Variants in STAG1 observed in about 807,000 individuals in gnomAD.
STAG1 encodes the protein cohesin subunit SA-1.
STAG1 carries 26 observed loss-of-function variants against 170.9 expected under a neutral mutation model. The ratio of observed to expected loss-of-function variants is 0.15; its 90% confidence interval spans 0.11 to 0.21. The LOEUF (loss-of-function observed/expected upper bound fraction) is 0.21. Ranked by LOEUF, STAG1 falls within the 10% of genes least tolerant of loss-of-function variation. STAG1 has a pLI of 1.00. For missense variants in STAG1, 964 were observed against 1,509.5 expected (o/e 0.64, Z 5.99); for synonymous variants, 514 against 497.7 (o/e 1.03, Z -0.44).
chr3:136,600,057 T>C (rs916267101), intron 4 of STAG1, among the ~76,000 whole-genome samples: 7 of 152,224 alleles, frequency 4.6e-5, no homozygotes, highest in African/African-American at 1.7e-4. Context: ...ACATTTCAAT[T>C]CAGGTGTCAG....
chr3:136,436,815 G>A (rs557554582), intron 15 of STAG1, among the ~76,000 whole-genome samples: 2 of 152,206 alleles, frequency 1.3e-5, no homozygotes, highest in South Asian at 4.1e-4. Context: ...TCTTTATTCT[G>A]TACCAAAATT....
chr3:136,641,700 C>T (rs967102113), intron 1 of STAG1, among the ~76,000 whole-genome samples: 3 of 152,220 alleles, frequency 2.0e-5, no homozygotes, highest in Admixed American at 2.0e-4. Flanking sequence ...CGTGTGATCA[C>T]ACACTGGATC....
chr3:136,736,456 A>C, intron 1 of STAG1: 1 of 1,237,740 alleles, frequency 8.1e-7, no homozygotes, highest in Non-Finnish European at 1.2e-6. Flanking sequence ...GAAGGGAGAT[A>C]GCAGGGGGAA....
intron 6 of STAG1, among the ~76,000 whole-genome samples, chr3:136,522,618 G>C (rs894629518): frequency 6.6e-6 from 1 of 151,834 alleles, no homozygotes; most frequent in East Asian, 1.9e-4. Context: ...TGTGCACAAC[G>C]TGCAGGTTTG....
chr3:136,589,108 C>T (rs144095418), intron 4 of STAG1, among the ~76,000 whole-genome samples: 55 of 152,152 alleles, frequency 3.6e-4, no homozygotes, highest in African/African-American at 1.3e-3. Context: ...TCAGACTGGT[C>T]TGGAACTCTT....
chr3:136,527,027 T>G (rs1342866032), intron 6 of STAG1, among the ~76,000 whole-genome samples: 2 of 152,216 alleles, frequency 1.3e-5, no homozygotes, highest in Non-Finnish European at 2.9e-5. Context: ...CCCTTAACAT[T>G]TTTTCCTTCA....
At chr3:136,478,150 T>C (rs543885844) in intron 9 of STAG1, among the ~76,000 whole-genome samples, 2 of 152,322 alleles carry the variant, frequency 1.3e-5, no homozygotes, top group African/African-American at 2.4e-5. Flanking sequence ...AAGCCCACTT[T>C]ATTCAAGGCA....
intron 5 of STAG1, among the ~76,000 whole-genome samples, chr3:136,557,965 A>G (rs544462123): frequency 6.6e-6 from 1 of 152,372 alleles, no homozygotes; most frequent in East Asian, 1.9e-4. Context: ...CTAGAGATAC[A>G]AAGAGAACAA....
At chr3:136,620,097 C>T (rs1939779323) in intron 3 of STAG1, among the ~76,000 whole-genome samples, 1 of 151,794 alleles carries the variant, frequency 6.6e-6, no homozygotes, top group Non-Finnish European at 1.5e-5. Context: ...TAAAATAAAA[C>T]ATAAAATAGA....
chr3:136,487,191 T>C (rs2090035264), intron 9 of STAG1, among the ~76,000 whole-genome samples: 2 of 152,098 alleles, frequency 1.3e-5, no homozygotes, highest in South Asian at 2.1e-4. Context: ...CATGTGTTCT[T>C]AATGTTCAGC....
intron 6 of STAG1, among the ~76,000 whole-genome samples, chr3:136,534,707 C>A (rs1313437121): frequency 2.0e-5 from 3 of 152,070 alleles, no homozygotes; most frequent in Non-Finnish European, 4.4e-5. Flanking sequence ...ATATCATTCA[C>A]CCCAGTTGGA....
chr3:136,583,031 T>C (rs999969810), intron 4 of STAG1, among the ~76,000 whole-genome samples: 9 of 152,218 alleles, frequency 5.9e-5, no homozygotes, highest in African/African-American at 9.6e-5. Context: ...TTCTTCTCTA[T>C]AGCTGCATTA....
intron 2 of STAG1, among the ~76,000 whole-genome samples, chr3:136,624,563 T>TG (rs1467067983): frequency 1.3e-5 from 2 of 152,170 alleles, no homozygotes; most frequent in Non-Finnish European, 2.9e-5. Context: ...GCAACTTCTC[T>TG]GCTGACTCAG....
intron 15 of STAG1, among the ~76,000 whole-genome samples, chr3:136,439,441 CAA>C (rs71157382): frequency 0.05 from 3,870 of 77,220 alleles, 237 homozygotes; most frequent in African/African-American, 0.13. Flanking sequence ...CACACACACA[CAA>C]ACACTGTAAG....
chr3:136,723,999 C>G (rs1168735104), intron 1 of STAG1, among the ~76,000 whole-genome samples: 2 of 150,750 alleles, frequency 1.3e-5, no homozygotes, highest in African/African-American at 2.4e-5. Context: ...GCCCCCCGCA[C>G]AGCCAGCCGC....
At chr3:136,603,365 A>G (rs1469555985) in intron 4 of STAG1, among the ~76,000 whole-genome samples, 1 of 151,958 alleles carries the variant, frequency 6.6e-6, no homozygotes, top group African/African-American at 2.4e-5. Flanking sequence ...GTATTTATAT[A>G]TTTCACAATT....
chr3:136,702,798 G>A (rs749387401), intron 1 of STAG1, among the ~76,000 whole-genome samples: 9 of 152,008 alleles, frequency 5.9e-5, no homozygotes, highest in East Asian at 1.9e-4. Context: ...GGCCAGGCAC[G>A]GTGGCTCACA....
At chr3:136,678,866 AGAAAAAGAAGAAAAAG>A (rs1942230307) in intron 1 of STAG1, among the ~76,000 whole-genome samples, 1 of 149,310 alleles carries the variant, frequency 6.7e-6, no homozygotes, top group African/African-American at 2.5e-5. Context: ...AAAAAAAAAA[AGAAAAAGAAGAAAAAG>A]AAAAAAAAAA....
At chr3:136,617,801 C>G (rs1423285747) in intron 3 of STAG1, among the ~76,000 whole-genome samples, 1 of 151,732 alleles carries the variant, frequency 6.6e-6, no homozygotes, top group Non-Finnish European at 1.5e-5. Flanking sequence ...TAATGCTAAA[C>G]CAAGAGGGTG....
Sources: allele counts gnomAD v4.1 joint callset (sites outside exome capture counted in the v4.1 genomes callset), GRCh38; gene constraint gnomAD v4.1.1; transcripts MANE v1.5; gene names NCBI Gene and HGNC (gene_info 2026-07-23, HGNC 2026-07-21).